MAFK: variants seen among roughly 807,000 people sequenced by gnomAD.
MAFK encodes transcription factor MafK.
In MAFK, 1 loss-of-function variant was observed where a neutral mutation model predicts 9.2. The ratio of observed to expected loss-of-function variants is 0.11; its 90% CI spans 0.04 to 0.52. MAFK has a LOEUF of 0.52. MAFK is among the 20% of genes least tolerant of loss of function. The pLI is 0.94. For missense variants in MAFK, 207 were observed against 236.0 expected (o/e 0.88, Z 0.81); for synonymous variants, 110 against 107.4 (o/e 1.02, Z -0.15).
rs1255346579 is a variant in MAFK, at chr7:1,542,501, C to T, written c.*2126C>T. On this transcript the variant is annotated 3_prime_UTR_variant, in exon 3 of 3. Transcript: ENST00000343242. ...TTCTTGGTGTCCACGTCTTGTGGGCCGTGGGCTTCTACCTGCCCTTGGCCT... is the reference window on the plus strand; with the variant it reads ...TTCTTGGTGTCCACGTCTTGTGGGCTGTGGGCTTCTACCTGCCCTTGGCCT... 49 of 152,418 alleles carry T rather than the reference C, an allele frequency of 3.2e-4. No homozygotes were observed. Among genetic ancestry groups the T allele is most frequent in the Admixed American group, 6.5e-5 (1 of 15,300 alleles). The allele number at this position is 152,418 out of a possible 1,614,324, so 9.4% of individuals were successfully genotyped here.
chr7:1,537,497 C>G, intron 1 of MAFK: 8 of 985,516 alleles, frequency 8.1e-6, no homozygotes, highest in Non-Finnish European at 9.6e-6. Flanking sequence ...TTTGCAGGTC[C>G]CCACGGTGGC....
At chr7:1,537,788 C>G (rs1303055246) in intron 1 of MAFK, 7 of 774,742 alleles carry the variant, frequency 9.0e-6, no homozygotes, top group African/African-American at 1.9e-5. Context: ...GATTTGGGCC[C>G]GAGGGCTCCC....
chr7:1,537,127 C>T (rs900668430), intron 1 of MAFK, among the ~76,000 whole-genome samples: 2 of 152,246 alleles, frequency 1.3e-5, no homozygotes, highest in African/African-American at 4.8e-5. Flanking sequence ...CACAGGGCAT[C>T]GCGGAGGCAT....
intron 1 of MAFK, among the ~76,000 whole-genome samples, chr7:1,536,923 C>T (rs1202396059): frequency 2.0e-5 from 3 of 152,208 alleles, no homozygotes; most frequent in East Asian, 3.9e-4. Flanking sequence ...GCGAGCACAG[C>T]GTGGGGGCCG....
chr7:1,537,809 T>G, intron 1 of MAFK: 2 of 575,544 alleles, frequency 3.5e-6, no homozygotes, highest in Non-Finnish European at 4.4e-6. Context: ...TGGCCCAGGG[T>G]GTGGGGAGGG....
At position 1,532,711 on chromosome 7, in the gene MAFK, G is replaced by C. The variant is rs1195641108; in HGVS notation, c.-45+1813G>C. The stretch of plus-strand genomic sequence containing the variant: ...CAAGGCGTGTGCTTTCACCCACGGG[G>C]CTCAGCGATGGCTGCGTTTGTTTAC... On this transcript the variant is annotated intron_variant, in intron 1 of 2. Coordinates refer to ENST00000343242, the MANE Select transcript of MAFK (RefSeq NM_002360.4). The surrounding 1 kb of genome is among the most constrained non-coding windows in gnomAD (Gnocchi z 4.5). Among the ~76,000 whole-genome samples the C allele has an allele frequency of 1.3e-5, 2 of 152,236 alleles. No homozygotes were observed. The highest frequency in any genetic ancestry group is 2.9e-5 in the Non-Finnish European group (2 of 68,054).
At position 1,542,743 on chromosome 7, in the gene MAFK, C is replaced by A. The variant is rs947822388; in HGVS notation, c.*2368C>A. ...TTGTTTTCTGTCTCCGTGCCTCCGGCTTCCCAAAGAGATCCAGGTCTTTGC... is the reference window on the plus strand; with the variant it reads ...TTGTTTTCTGTCTCCGTGCCTCCGGATTCCCAAAGAGATCCAGGTCTTTGC... On this transcript the variant is annotated 3_prime_UTR_variant, in exon 3 of 3. Transcript: ENST00000343242. 6.6e-6 allele frequency: 1 copy of A among 152,620 alleles called. No homozygotes were observed. The highest frequency in any genetic ancestry group is 6.5e-5 in the Admixed American group (1 of 15,294). The allele number at this position is 152,620 out of a possible 1,614,324, so 9.5% of individuals were successfully genotyped here. A position where few individuals can be genotyped will look rare whatever the true frequency, so the allele number is the denominator to read the frequency against.
In MAFK at chr7:1,532,516, C is replaced by T. The variant is rs561918167; in HGVS notation, c.-45+1618C>T. Among the ~76,000 whole-genome samples the T allele has an allele frequency of 6.6e-6, 1 of 152,330 alleles. No individual in the cohort carries two copies. The highest frequency in any genetic ancestry group is 2.1e-4 in the South Asian group (1 of 4,818). ...GCTTCTCCTGCCTTTTATCCTTGAA[C>T]CGAGCCAGGGCTTTGAGGGGCTGGT... On this transcript the variant is annotated intron_variant, in intron 1 of 2. Coordinates refer to ENST00000343242, the MANE Select transcript of MAFK (RefSeq NM_002360.4). This position sits in a 1 kb window ranked among gnomAD's most constrained non-coding sequence, Gnocchi z 4.5.
Position 1,542,701 on chromosome 7 carries a change from C to T in MAFK, c.*2326C>T, listed in dbSNP as rs1253374772. The T allele has an allele frequency of 6.6e-6, 1 of 152,524 alleles. No individual in the cohort carries two copies. The highest frequency in any genetic ancestry group is 1.5e-5 in the Non-Finnish European group (1 of 68,036). 9.4% of individuals were successfully genotyped at this position (152,524 alleles called of 1,614,324 possible). On this transcript the variant is annotated 3_prime_UTR_variant, in exon 3 of 3. Transcript: ENST00000343242. ...TTTTATTTAAGAAAAAGACGAGGGA[C>T]TCTTTGTCACGTGGGTTTGTTTTCT...
At chr7:1,531,943 G>A (rs1476327092) in intron 1 of MAFK, among the ~76,000 whole-genome samples, 2 of 152,230 alleles carry the variant, frequency 1.3e-5, no homozygotes, top group African/African-American at 4.8e-5. Context: ...TGTAGCTGAG[G>A]CAGAAATTAG....
chr7:1,533,448 G>C lies in MAFK; in HGVS notation c.-45+2550G>C, dbSNP rs931740108. Among the ~76,000 whole-genome samples the C allele has an allele frequency of 2.0e-5, 3 of 152,226 alleles. No individual in the cohort carries two copies. The East Asian group carries it at 5.8e-4, about 29-fold the overall frequency. On this transcript the variant is annotated intron_variant, in intron 1 of 2. Coordinates refer to ENST00000343242, the MANE Select transcript of MAFK (RefSeq NM_002360.4). ...GGTGCTTGCCTACGCGAGGAGGAGA[G>C]CAGTGGGGAGTGTTTCTGGAAGAAG...
Position 1,534,724 on chromosome 7 carries a change from G to A in MAFK, c.-45+3826G>A. 2.3e-6 allele frequency: 1 copy of A among 443,514 alleles called. No homozygotes were observed. The allele number at this position is 443,514 out of a possible 1,614,324, so 27.5% of individuals were successfully genotyped here. ...ATTCACCCCTTGGGCAAGAACAAGT[G>A]ACCCATCCAGAGCCCCCATGCTGGC... On this transcript the variant is annotated intron_variant, in intron 1 of 2. Transcript: ENST00000343242. The surrounding 1 kb of genome is among the most constrained non-coding windows in gnomAD (Gnocchi z 4.3).
At position 1,539,973 on chromosome 7, in the gene MAFK, G is replaced by C. The variant is rs780179194; in HGVS notation, c.69G>C (p.Val23=). The C allele has an allele frequency of 1.3e-6, 2 of 1,548,704 alleles. No individual in the cohort carries two copies. Among genetic ancestry groups the C allele is most frequent in the Non-Finnish European group, 1.7e-6 (2 of 1,144,854 alleles). Residue 23 remains valine, a synonymous_variant, in exon 3 of 3, where the codon GTG becomes GTC. Coordinates refer to ENST00000343242, the MANE Select transcript of MAFK (RefSeq NM_002360.4). ...AGGAGGCGGGCGAGAACGCCCCGGT[G>C]CTCAGCGATGATGAGCTGGTGTCCA... ...VKKEAGENAP[V]LSDDELVSMS... is the part of the protein sequence containing the mutation.
intron 1 of MAFK, chr7:1,538,400 G>A (rs922024070): frequency 7.6e-5 from 75 of 985,270 alleles, no homozygotes; most frequent in African/African-American, 1.2e-4. Context: ...CAGGGTCCTC[G>A]CTCGGGGGCA....
intron 1 of MAFK, among the ~76,000 whole-genome samples, chr7:1,531,578 C>A (rs951594695): frequency 6.6e-6 from 1 of 152,194 alleles, no homozygotes; most frequent in Non-Finnish European, 1.5e-5. Context: ...CAAGGCTCGT[C>A]CCTTTGCTCA....
At chr7:1,537,257 G>A in intron 1 of MAFK, 1 of 442,702 alleles carries the variant, frequency 2.3e-6, no homozygotes, top group Non-Finnish European at 3.0e-6. Context: ...CCGCCCGGCT[G>A]TGCTGCCACG....
In MAFK at chr7:1,541,947, C is replaced by T. The variant is rs150069281; in HGVS notation, c.*1572C>T. On this transcript the variant is annotated 3_prime_UTR_variant, in exon 3 of 3. Transcript: ENST00000343242. Reference sequence around the variant, plus strand: ...GGTGCCTGGGGCCCTGGCTCCTTCTCGGCTGCCCCTGCCCACCCAGTAACA... The same window carrying T: ...GGTGCCTGGGGCCCTGGCTCCTTCTTGGCTGCCCCTGCCCACCCAGTAACA... 0.017 allele frequency: 2,663 copies of T among 152,430 alleles called. 36 individuals carry two copies. Among genetic ancestry groups the T allele is most frequent in the Non-Finnish European group, 0.029 (1,969 of 68,110 alleles). The allele number at this position is 152,430 out of a possible 1,614,324, so 9.4% of individuals were successfully genotyped here.
chr7:1,537,740 G>A, intron 1 of MAFK: 1 of 980,574 alleles, frequency 1.0e-6, no homozygotes, highest in Non-Finnish European at 1.2e-6. Context: ...GGTTGCGGGG[G>A]TGGGGCCCCC....
intron 1 of MAFK, chr7:1,537,249 G>C (rs907531783): frequency 2.6e-6 from 1 of 384,238 alleles, no homozygotes; most frequent in African/African-American, 2.2e-5. Flanking sequence ...TTCCTTTTCC[G>C]CCCGGCTGTG....
Sources: allele counts gnomAD v4.1 joint callset (sites outside exome capture counted in the v4.1 genomes callset), GRCh38; gene constraint gnomAD v4.1.1; non-coding constraint Gnocchi (gnomAD v3.1); transcripts MANE v1.5; gene names NCBI Gene and HGNC (gene_info 2026-07-23, HGNC 2026-07-21).